SEMA3C: variants seen among roughly 807,000 people sequenced by gnomAD.
SEMA3C encodes semaphorin 3C, also known as semaphorin-3C.
A neutral mutation model predicts 89.4 loss-of-function variants in SEMA3C; 47 were observed. That is an observed-to-expected ratio of 0.53 (90% CI 0.42 to 0.67). The LOEUF (loss-of-function observed/expected upper bound fraction) is 0.67. SEMA3C is among the 30% of genes least tolerant of loss of function. The probability of loss-of-function intolerance (pLI) is 0.00; values close to 1 mark genes in which losing one functional copy is unlikely to be tolerated. For synonymous variants in SEMA3C, 310 were observed against 320.2 expected, an observed-to-expected ratio of 0.97 and a Z score of 0.34; for missense variants, 839 against 929.1, an observed-to-expected ratio of 0.90 and a Z score of 1.26.
At chr7:80,853,608 C>T (rs1326164832) in intron 2 of SEMA3C, among the ~76,000 whole-genome samples, 1 of 151,986 alleles carries the variant, frequency 6.6e-6, no homozygotes, top group Non-Finnish European at 1.5e-5. Flanking sequence ...ATGATGGTCA[C>T]CAGAAGCTGG....
chr7:80,854,903 G>C lies in SEMA3C; in HGVS notation c.104-26158C>G, dbSNP rs74425871. Among the ~76,000 whole-genome samples, 98 of 152,228 alleles carry C rather than the reference G, an allele frequency of 6.4e-4. 1 individual carries two copies. The highest frequency in any genetic ancestry group is 2.2e-3 in the African/African-American group (91 of 41,552). Reference sequence around the variant, plus strand: ...CCACAAATGGAACAACATTGTTTCTGTATTTAGATATTAGATAAGATGTAA... The same window carrying C: ...CCACAAATGGAACAACATTGTTTCTCTATTTAGATATTAGATAAGATGTAA... On this transcript the variant is annotated intron_variant, in intron 2 of 17. Transcript: ENST00000265361.
At chr7:80,876,900 C>T (rs539068627) in intron 2 of SEMA3C, among the ~76,000 whole-genome samples, 102 of 152,318 alleles carry the variant, frequency 6.7e-4, no homozygotes, top group Middle Eastern at 3.4e-3. Context: ...TCTGCTCTTT[C>T]CATCACTGCA....
chr7:80,891,123 A>C (rs548433592), intron 2 of SEMA3C, among the ~76,000 whole-genome samples: 1 of 152,260 alleles, frequency 6.6e-6, no homozygotes, highest in South Asian at 2.1e-4. Context: ...TGCTCCATGT[A>C]ATAGAGGTCT....
chr7:80,805,796 A>G, intron 6 of SEMA3C, 38 bp from the exon 7 acceptor site: 1 of 1,516,836 alleles, frequency 6.6e-7, no homozygotes, highest in Non-Finnish European at 9.1e-7. Context: ...GTAAATTTTT[A>G]AAGCTATTTT....
At chr7:80,905,956 T>G (rs1792005052) in intron 2 of SEMA3C, 2 of 1,002,182 alleles carry the variant, frequency 2.0e-6, no homozygotes, top group Non-Finnish European at 2.7e-6. Flanking sequence ...TTTTGTTTTG[T>G]TTTTTTTTTA....
chr7:80,900,115 G>GT lies in SEMA3C; in HGVS notation c.103+16563dup, dbSNP rs113481548. ...CTTTATATAATCTTACATTTAGTAT[G>GT]TTTTTTTTTTTTCTTTGAGACGGAG... On this transcript the variant is annotated intron_variant, in intron 2 of 17. Transcript: ENST00000265361. Among the ~76,000 whole-genome samples, 852 of 145,890 alleles carry GT rather than the reference G, an allele frequency of 5.8e-3. 6 individuals carry two copies. The highest frequency in any genetic ancestry group is 0.024 in the East Asian group (118 of 4,986).
At chr7:80,777,946 C>CT (rs1339590647) in intron 12 of SEMA3C, among the ~76,000 whole-genome samples, 8 of 152,110 alleles carry the variant, frequency 5.3e-5, no homozygotes, top group Non-Finnish European at 1.2e-4. Context: ...TGACTTCATA[C>CT]TTTATTTATT....
chr7:80,845,032 C>T (rs1419246051), intron 2 of SEMA3C, among the ~76,000 whole-genome samples: 1 of 152,102 alleles, frequency 6.6e-6, no homozygotes. Context: ...AGTGTGAACT[C>T]ATCAGTGAGA....
At chr7:80,779,297 T>C (rs1788636297) in intron 12 of SEMA3C, among the ~76,000 whole-genome samples, 1 of 152,150 alleles carries the variant, frequency 6.6e-6, no homozygotes, top group Non-Finnish European at 1.5e-5. Context: ...ATTTAGACTC[T>C]CATGCATAGT....
intron 2 of SEMA3C, among the ~76,000 whole-genome samples, chr7:80,859,827 T>C (rs1217598258): frequency 1.3e-5 from 2 of 152,082 alleles, no homozygotes; most frequent in Non-Finnish European, 2.9e-5. Flanking sequence ...GCACAGAAAA[T>C]GTTTCTGAAC....
At chr7:80,838,563 T>C (rs1790190964) in intron 2 of SEMA3C, among the ~76,000 whole-genome samples, 1 of 152,174 alleles carries the variant, frequency 6.6e-6, no homozygotes, top group Non-Finnish European at 1.5e-5. Flanking sequence ...GGCTATCTTG[T>C]TCCCCTACTA....
In SEMA3C at chr7:80,743,953, C is replaced by T. The variant is rs1787739241; in HGVS notation, c.*941G>A. 6.6e-6 allele frequency: 1 copy of T among 151,840 alleles called. No individual in the cohort carries two copies. Among genetic ancestry groups the T allele is most frequent in the African/African-American group, 2.4e-5 (1 of 41,372 alleles). The allele number at this position is 151,840 out of a possible 1,614,324, so 9.4% of individuals were successfully genotyped here. A position where few individuals can be genotyped will look rare whatever the true frequency, so the allele number is the denominator to read the frequency against. Reference sequence around the variant, plus strand: ...AAACTAGCCATATTTGTTATAAATTCCTCTTAAAAAATTAGTAGTTTCTAC... The same window carrying T: ...AAACTAGCCATATTTGTTATAAATTTCTCTTAAAAAATTAGTAGTTTCTAC... On this transcript the variant is annotated 3_prime_UTR_variant, in exon 18 of 18. Transcript: ENST00000265361.
chr7:80,852,846 T>C (rs530442534), intron 2 of SEMA3C, among the ~76,000 whole-genome samples: 1 of 152,032 alleles, frequency 6.6e-6, no homozygotes, highest in African/African-American at 2.4e-5. Flanking sequence ...GCCTGGCCAA[T>C]TTTTTGTACT....
chr7:80,764,187 G>A (rs1427798491), intron 13 of SEMA3C, among the ~76,000 whole-genome samples: 2 of 152,178 alleles, frequency 1.3e-5, no homozygotes, highest in Non-Finnish European at 2.9e-5. Flanking sequence ...ACTAAGCAAA[G>A]CAACTTGCTG....
chr7:80,861,600 T>G (rs1037233544), intron 2 of SEMA3C, among the ~76,000 whole-genome samples: 5 of 152,208 alleles, frequency 3.3e-5, no homozygotes, highest in African/African-American at 4.8e-5. Flanking sequence ...TTTAAACATT[T>G]AAAGCCTTTA....
upstream of SEMA3C, among the ~76,000 whole-genome samples, chr7:80,920,578 T>C (rs527284376): frequency 8.5e-5 from 13 of 152,268 alleles, no homozygotes; most frequent in Admixed American, 8.5e-4. Context: ...TCACGCTGCA[T>C]AGTCAAGGAA....
At chr7:80,786,462 GA>G (rs1275469520) in intron 12 of SEMA3C, among the ~76,000 whole-genome samples, 1 of 149,750 alleles carries the variant, frequency 6.7e-6, no homozygotes, top group African/African-American at 2.5e-5. Flanking sequence ...GGCTTCACAA[GA>G]AAAAAAAGAG....
At chr7:80,872,733 G>A (rs1409124912) in intron 2 of SEMA3C, among the ~76,000 whole-genome samples, 1 of 147,880 alleles carries the variant, frequency 6.8e-6, no homozygotes, top group East Asian at 2.0e-4. Flanking sequence ...CCCAGGAGGT[G>A]GAAATTGCAG....
intron 4 of SEMA3C, 139 bp from the exon 5 acceptor site, chr7:80,818,557 C>T: frequency 1.1e-6 from 1 of 877,388 alleles, no homozygotes; most frequent in Non-Finnish European, 1.7e-6. Flanking sequence ...CAGGGGCGTC[C>T]AATCTTTTGG....
Sources: gnomAD v4.1 joint callset for allele counts (sites outside exome capture counted in the v4.1 genomes callset) on GRCh38, gnomAD v4.1.1 for gene constraint, MANE v1.5 for transcripts, NCBI Gene and HGNC (gene_info 2026-07-23, HGNC 2026-07-21) for gene names.